CNBD1: variants seen among roughly 807,000 people sequenced by gnomAD.
CNBD1 encodes the protein cyclic nucleotide-binding domain-containing protein 1.
In CNBD1, 71 loss-of-function variants were observed where a neutral mutation model predicts 54.4. The ratio of observed to expected loss-of-function variants is 1.30; its 90% CI spans 1.08 to 1.59. The LOEUF (loss-of-function observed/expected upper bound fraction) is 1.59. Ranked by LOEUF, CNBD1 falls within the 40% of genes most tolerant of loss-of-function variation. The pLI, the probability that CNBD1 is intolerant of heterozygous loss-of-function variation, is 0.00. For synonymous variants in CNBD1, 182 were observed against 170.7 expected (o/e 1.07, Z -0.51); for missense variants, 659 against 518.0 (o/e 1.27, Z -2.64).
At chr8:86,959,057 C>A (rs1807858876) in intron 4 of CNBD1, among the ~76,000 whole-genome samples, 1 of 152,162 alleles carries the variant, frequency 6.6e-6, no homozygotes, top group Admixed American at 6.5e-5. Context: ...GTGACAGAAT[C>A]TCTCTGCATT....
At chr8:87,101,700 T>C (rs1440299280) in intron 4 of CNBD1, among the ~76,000 whole-genome samples, 3 of 152,100 alleles carry the variant, frequency 2.0e-5, no homozygotes, top group Non-Finnish European at 4.4e-5. Flanking sequence ...TTAAAGCATA[T>C]ATGGAATTTT....
At chr8:87,000,079 A>C (rs919513589) in intron 4 of CNBD1, among the ~76,000 whole-genome samples, 2 of 152,264 alleles carry the variant, frequency 1.3e-5, no homozygotes, top group East Asian at 3.9e-4. Flanking sequence ...GTAATAAGGC[A>C]TTGATATGGT....
At chr8:87,144,451 A>G (rs1442268928) in intron 4 of CNBD1, among the ~76,000 whole-genome samples, 2 of 152,206 alleles carry the variant, frequency 1.3e-5, no homozygotes. Context: ...TGAAACATAT[A>G]AAGGGATAAA....
intron 4 of CNBD1, among the ~76,000 whole-genome samples, chr8:87,063,107 C>T (rs752981148): frequency 5.9e-5 from 9 of 152,188 alleles, no homozygotes; most frequent in Non-Finnish European, 5.9e-5. Flanking sequence ...ATGACAACTA[C>T]TATTGTAGCC....
chr8:86,925,922 C>T (rs984935734), intron 3 of CNBD1, among the ~76,000 whole-genome samples: 19 of 151,990 alleles, frequency 1.3e-4, no homozygotes, highest in African/African-American at 3.4e-4. Flanking sequence ...AGGTTTATTG[C>T]GAAGAGTGAA....
chr8:87,368,091 G>A (rs531501566), intron 10 of CNBD1, among the ~76,000 whole-genome samples: 27 of 151,886 alleles, frequency 1.8e-4, no homozygotes, highest in African/African-American at 6.5e-4. Flanking sequence ...GAACCCAGGA[G>A]GTGGAGGTTG....
chr8:87,035,298 A>C (rs986492505), intron 4 of CNBD1, among the ~76,000 whole-genome samples: 1 of 152,182 alleles, frequency 6.6e-6, no homozygotes, highest in African/African-American at 2.4e-5. Flanking sequence ...TATTGGATAC[A>C]GTGTTCAGTT....
chr8:86,906,140 G>C (rs762989858), intron 3 of CNBD1, among the ~76,000 whole-genome samples: 1 of 152,178 alleles, frequency 6.6e-6, no homozygotes, highest in Non-Finnish European at 1.5e-5. Context: ...GGCTGTGTAA[G>C]GGAGCTGATC....
At chr8:87,409,341 A>G (rs1248356216) in intron 2 of CNBD1, among the ~76,000 whole-genome samples, 4 of 152,166 alleles carry the variant, frequency 2.6e-5, no homozygotes, top group African/African-American at 4.8e-5. Flanking sequence ...GTTCAATTCT[A>G]TAAAGGCTGA....
At chr8:87,352,235 C>G (rs937036905) in intron 9 of CNBD1, among the ~76,000 whole-genome samples, 1 of 152,064 alleles carries the variant, frequency 6.6e-6, no homozygotes, top group Non-Finnish European at 1.5e-5. Context: ...AATCCCAGCA[C>G]TTTGAGAGGC....
chr8:86,901,202 T>G (rs1158058029), intron 2 of CNBD1, among the ~76,000 whole-genome samples: 1 of 152,174 alleles, frequency 6.6e-6, no homozygotes, highest in Admixed American at 6.6e-5. Flanking sequence ...ATGCATATTG[T>G]ATATATAAAA....
intron 2 of CNBD1, among the ~76,000 whole-genome samples, chr8:87,421,273 C>A (rs996626084): frequency 1.9e-4 from 28 of 149,882 alleles, no homozygotes; most frequent in Admixed American, 1.7e-3. Context: ...TTATTTATTT[C>A]TTTATTTTTT....
intron 3 of CNBD1, among the ~76,000 whole-genome samples, chr8:86,937,944 T>G: frequency 6.6e-6 from 1 of 152,250 alleles, no homozygotes; most frequent in East Asian, 1.9e-4. Context: ...TCTGAACTTT[T>G]ATGCTCTGCT....
chr8:87,339,305 T>A (rs1420682139), intron 8 of CNBD1, among the ~76,000 whole-genome samples: 1 of 151,548 alleles, frequency 6.6e-6, no homozygotes, highest in African/African-American at 2.4e-5. Context: ...CTCCCTGGAG[T>A]TTTTGTGTCT....
At chr8:87,418,741 A>G (rs1563594814) in intron 2 of CNBD1, among the ~76,000 whole-genome samples, 1 of 151,982 alleles carries the variant, frequency 6.6e-6, no homozygotes, top group Non-Finnish European at 1.5e-5. Context: ...AAAACAAGTC[A>G]TAAAACATTG....
chr8:86,890,843 A>G lies in CNBD1; in HGVS notation c.158+3232A>G, dbSNP rs76994543. Among the ~76,000 whole-genome samples the G allele has an allele frequency of 1.1e-3, 174 of 151,904 alleles. 2 individuals are homozygous for G. The East Asian group carries it at 0.032, about 28-fold the overall frequency. ...TTTCATTTCCCCATTGATTAGTGCT[A>G]TCAAGCATTTGTTATTTTTTTTTTC... On this transcript the variant is annotated intron_variant, in intron 2 of 10. Coordinates refer to ENST00000518476, the MANE Select transcript of CNBD1 (RefSeq NM_173538.3).
At chr8:87,285,403 C>T (rs1808674338) in intron 7 of CNBD1, among the ~76,000 whole-genome samples, 1 of 152,092 alleles carries the variant, frequency 6.6e-6, no homozygotes, top group African/African-American at 2.4e-5. Flanking sequence ...TTCTTGACTC[C>T]TATTTTTCCT....
At chr8:87,424,383 G>T (rs991639537) in intron 2 of CNBD1, among the ~76,000 whole-genome samples, 4 of 152,028 alleles carry the variant, frequency 2.6e-5, no homozygotes, top group African/African-American at 9.7e-5. Context: ...GTCAATTTTG[G>T]ATCTTTCCTG....
intron 2 of CNBD1, among the ~76,000 whole-genome samples, chr8:87,409,611 TCAAAGCTTCAAATAATAGGCAGACTCTC>T: frequency 7.9e-5 from 12 of 152,276 alleles, no homozygotes; most frequent in African/African-American, 2.9e-4. Flanking sequence ...ATGCCTGGTT[TCAAAGCTTCAAATAATAGGCAGACTCTC>T]CTGTTAGGGC....
Sources: allele counts gnomAD v4.1 joint callset (sites outside exome capture counted in the v4.1 genomes callset), GRCh38; gene constraint gnomAD v4.1.1; transcripts MANE v1.5; gene names NCBI Gene and HGNC (gene_info 2026-07-23, HGNC 2026-07-21).